Variants in CYRIA observed in about 807,000 individuals in gnomAD.
CYRIA encodes CYFIP-related Rac1 interactor A.
Under a neutral mutation model 43.9 loss-of-function variants are expected in CYRIA, and 15 were observed. That is an observed-to-expected ratio of 0.34 (90% confidence interval 0.23 to 0.53). The LOEUF (loss-of-function observed/expected upper bound fraction) is 0.53, where lower values mean the gene tolerates loss of function less well. Ranked by LOEUF, CYRIA falls within the 20% of genes least tolerant of loss-of-function variation. The probability of loss-of-function intolerance (pLI) is 0.94; values close to 1 mark genes in which losing one functional copy is unlikely to be tolerated. For missense variants in CYRIA, 236 were observed against 394.2 expected (o/e 0.60, Z 3.40); for synonymous variants, 117 against 136.0 (o/e 0.86, Z 0.97).
At chr2:16,590,973 A>T (rs1414552795) in intron 2 of CYRIA, among the ~76,000 whole-genome samples, 1 of 151,914 alleles carries the variant, frequency 6.6e-6, no homozygotes, top group East Asian at 1.9e-4. Context: ...CACCTAGTAG[A>T]CTCCACAGTT....
At chr2:16,572,612 T>A (rs1267186827) in intron 3 of CYRIA, among the ~76,000 whole-genome samples, 2 of 152,196 alleles carry the variant, frequency 1.3e-5, no homozygotes, top group Non-Finnish European at 2.9e-5. Flanking sequence ...CTGATCTGAC[T>A]CAACACCCTT....
chr2:16,641,185 C>T (rs1669665719), intron 1 of CYRIA, among the ~76,000 whole-genome samples: 1 of 152,196 alleles, frequency 6.6e-6, no homozygotes, highest in Non-Finnish European at 1.5e-5. Context: ...TATTGCATCA[C>T]TCTATGGCTC....
At chr2:16,574,594 G>T (rs1015825303) in intron 3 of CYRIA, among the ~76,000 whole-genome samples, 19 of 152,314 alleles carry the variant, frequency 1.2e-4, no homozygotes, top group African/African-American at 4.1e-4. Context: ...CTAGGGACTT[G>T]GTTCCCTGCA....
chr2:16,589,495 T>C (rs1052544367), intron 2 of CYRIA, among the ~76,000 whole-genome samples: 2 of 152,044 alleles, frequency 1.3e-5, no homozygotes, highest in Non-Finnish European at 2.9e-5. Flanking sequence ...TCTATCTTTG[T>C]TAGATGGCCG....
At chr2:16,610,897 C>CAT (rs60848949) in intron 2 of CYRIA, among the ~76,000 whole-genome samples, 3,724 of 90,954 alleles carry the variant, frequency 0.041, 190 homozygotes, top group Non-Finnish European at 0.06. Context: ...TTAGTCCCAA[C>CAT]ATATATATAT....
intron 1 of CYRIA, among the ~76,000 whole-genome samples, chr2:16,635,990 G>A (rs1356297261): frequency 1.3e-5 from 2 of 152,138 alleles, no homozygotes; most frequent in Non-Finnish European, 2.9e-5. Flanking sequence ...ATTGTGGCAA[G>A]CACGGGGAAC....
chr2:16,634,462 G>T (rs1038607834), intron 1 of CYRIA, among the ~76,000 whole-genome samples: 3 of 152,202 alleles, frequency 2.0e-5, no homozygotes, highest in Non-Finnish European at 2.9e-5. Flanking sequence ...CCCCTTCTGG[G>T]GAACTTCATT....
intron 11 of CYRIA, 135 bp from the exon 12 acceptor site, chr2:16,553,134 A>T: frequency 1.5e-6 from 1 of 656,388 alleles, no homozygotes; most frequent in South Asian, 1.8e-5. Flanking sequence ...CAATGCTCAC[A>T]GTCATCTCAG....
intron 3 of CYRIA, among the ~76,000 whole-genome samples, chr2:16,581,402 C>T (rs1365585297): frequency 6.6e-6 from 1 of 152,112 alleles, no homozygotes; most frequent in African/African-American, 2.4e-5. Context: ...TGGGATGCTA[C>T]CCCACCACTG....
chr2:16,562,557 T>C (rs1666775768), intron 5 of CYRIA, among the ~76,000 whole-genome samples: 1 of 152,180 alleles, frequency 6.6e-6, no homozygotes, highest in Non-Finnish European at 1.5e-5. Flanking sequence ...TCTGCCCCTA[T>C]TGGACTTTTC....
intron 2 of CYRIA, among the ~76,000 whole-genome samples, chr2:16,590,112 T>C (rs1190532819): frequency 6.6e-6 from 1 of 151,730 alleles, no homozygotes; most frequent in East Asian, 1.9e-4. Flanking sequence ...GCAAACACCA[T>C]ATTTCTCTCT....
At chr2:16,662,088 T>G (rs2103560880) in intron 1 of CYRIA, among the ~76,000 whole-genome samples, 1 of 152,280 alleles carries the variant, frequency 6.6e-6, no homozygotes, top group East Asian at 1.9e-4. Flanking sequence ...AAAAGAGTGT[T>G]GGTGATTCGT....
intron 1 of CYRIA, among the ~76,000 whole-genome samples, chr2:16,633,290 G>C (rs1336354124): frequency 6.6e-6 from 1 of 152,080 alleles, no homozygotes; most frequent in Non-Finnish European, 1.5e-5. Flanking sequence ...TCCCTGAAGT[G>C]TTCTCTGATA....
chr2:16,561,327 C>T, intron 7 of CYRIA, 50 bp from the exon 8 acceptor site: 1 of 1,499,498 alleles, frequency 6.7e-7, no homozygotes, highest in Admixed American at 1.7e-5. Flanking sequence ...AAGTCCAAAT[C>T]CTCCAAATAC....
chr2:16,569,464 G>A (rs893420880), intron 3 of CYRIA, among the ~76,000 whole-genome samples: 1 of 152,122 alleles, frequency 6.6e-6, no homozygotes, highest in African/African-American at 2.4e-5. Context: ...AATTTTGTTG[G>A]TTTTATTGGA....
At chr2:16,610,609 G>A (rs1668557099) in intron 2 of CYRIA, among the ~76,000 whole-genome samples, 1 of 152,096 alleles carries the variant, frequency 6.6e-6, no homozygotes, top group South Asian at 2.1e-4. Context: ...GTCCTGTTCA[G>A]GTACAGATGA....
rs1558448329 is a variant in CYRIA at position 16,665,825 on chromosome 2, G to C, written c.-212C>G. The C allele has an allele frequency of 1.4e-5, 2 of 145,000 alleles. No individual in the cohort carries two copies. The highest frequency in any genetic ancestry group is 3.1e-5 in the Non-Finnish European group (2 of 65,462). 9.0% of individuals were successfully genotyped at this position (145,000 alleles called of 1,614,324 possible). A position where few individuals can be genotyped will look rare whatever the true frequency, so the allele number is the denominator to read the frequency against. On this transcript the variant is annotated 5_prime_UTR_variant, in exon 1 of 12. Transcript: ENST00000381323. ...CTGCCGCCCGCTCCGCCGCCGCCGA[G>C]TACGCCTCTCCCGCGGCCGCCGCAG...
At chr2:16,556,961 G>C (rs567896571) in intron 10 of CYRIA, among the ~76,000 whole-genome samples, 59 of 152,210 alleles carry the variant, frequency 3.9e-4, no homozygotes, top group African/African-American at 1.2e-3. Context: ...CAGGTTTGTG[G>C]GGGGAGGGGA....
In CYRIA at chr2:16,619,687, G is replaced by T. The variant is rs562477548; in HGVS notation, c.-11+4177C>A. Among the ~76,000 whole-genome samples, 41 of 152,278 alleles carry T rather than the reference G, an allele frequency of 2.7e-4. 1 individual carries two copies. The South Asian group carries it at 8.1e-3, about 30-fold the overall frequency. ...AAGATCAATTCAAATTAGTCAATTT[G>T]CTTCTTTTTAGTCGCTGTTGGGAAC... On this transcript the variant is annotated intron_variant, in intron 2 of 11. Transcript: ENST00000381323.
Sources: gnomAD v4.1 joint callset for allele counts (sites outside exome capture counted in the v4.1 genomes callset) on GRCh38, gnomAD v4.1.1 for gene constraint, MANE v1.5 for transcripts, NCBI Gene and HGNC (gene_info 2026-07-23, HGNC 2026-07-21) for gene names.